Variants in GIGYF2 observed in about 807,000 individuals in gnomAD.
The protein encoded by GIGYF2 is GRB10 interacting GYF protein 2, also known as GRB10-interacting GYF protein 2.
In GIGYF2, 25 loss-of-function variants were observed where a neutral mutation model predicts 208.1. The ratio of observed to expected loss-of-function variants is 0.12; its 90% confidence interval spans 0.09 to 0.17. The LOEUF (loss-of-function observed/expected upper bound fraction) is 0.17. GIGYF2 is among the 10% of genes least tolerant of loss of function. GIGYF2 has a pLI of 1.00. For missense variants in GIGYF2, 1,302 were observed against 1,579.4 expected (o/e 0.82, Z 2.98); for synonymous variants, 534 against 543.8 (o/e 0.98, Z 0.25).
intron 28 of GIGYF2, among the ~76,000 whole-genome samples, chr2:232,855,080 C>CTTTTTT (rs201395041): frequency 2.4e-4 from 26 of 109,156 alleles, no homozygotes; most frequent in South Asian, 6.2e-4. Flanking sequence ...CTTTTTCTTT[C>CTTTTTT]TTTTTTTTTT....
At chr2:232,769,849 G>A (rs1318176178) in intron 8 of GIGYF2, among the ~76,000 whole-genome samples, 1 of 152,146 alleles carries the variant, frequency 6.6e-6, no homozygotes, top group East Asian at 1.9e-4. Flanking sequence ...TACTATATGT[G>A]CCTTACTGAT....
chr2:232,792,449 G>C (rs1700097654), intron 12 of GIGYF2, among the ~76,000 whole-genome samples: 1 of 152,040 alleles, frequency 6.6e-6, no homozygotes, highest in Admixed American at 6.5e-5. Context: ...TTAAAGAGAT[G>C]GGATTAACTG....
intron 1 of GIGYF2, among the ~76,000 whole-genome samples, chr2:232,699,004 G>C (rs1032498089): frequency 2.6e-5 from 4 of 152,184 alleles, no homozygotes; most frequent in African/African-American, 9.7e-5. Context: ...ATTCCTGTCT[G>C]TATGGAATTC....
At chr2:232,747,824 GATTT>G in intron 4 of GIGYF2, 80 bp downstream of exon 4, 1 of 1,341,920 alleles carries the variant, frequency 7.5e-7, no homozygotes, top group East Asian at 2.3e-5. Flanking sequence ...CATGAAAACT[GATTT>G]ATTTTACTAA....
At chr2:232,707,983 A>G (rs771291584) in intron 2 of GIGYF2, among the ~76,000 whole-genome samples, 2 of 151,762 alleles carry the variant, frequency 1.3e-5, no homozygotes, top group Non-Finnish European at 2.9e-5. Context: ...TTTTTTTGAG[A>G]CAAGGTCTTG....
At chr2:232,751,657 A>G (rs919110160) in intron 5 of GIGYF2, among the ~76,000 whole-genome samples, 11 of 152,134 alleles carry the variant, frequency 7.2e-5, no homozygotes, top group South Asian at 2.1e-4. Context: ...ATGATTTCCT[A>G]GATTTCTTAG....
At chr2:232,744,891 A>T (rs1698092964) in intron 3 of GIGYF2, among the ~76,000 whole-genome samples, 1 of 152,106 alleles carries the variant, frequency 6.6e-6, no homozygotes, top group South Asian at 2.1e-4. Context: ...GCTGCCCGTG[A>T]CTGTGGACAA....
At chr2:232,756,901 G>A (rs1698566828) in intron 6 of GIGYF2, among the ~76,000 whole-genome samples, 1 of 152,054 alleles carries the variant, frequency 6.6e-6, no homozygotes, top group South Asian at 2.1e-4. Flanking sequence ...TTTGATATCT[G>A]CCCCCTATTT....
chr2:232,706,703 A>G (rs1005064105), intron 2 of GIGYF2, among the ~76,000 whole-genome samples: 4 of 152,054 alleles, frequency 2.6e-5, no homozygotes, highest in Admixed American at 6.6e-5. Context: ...TCTCTTGAAC[A>G]TGAGAGGTGG....
intron 9 of GIGYF2, chr2:232,788,126 A>G (rs1335969781): frequency 6.5e-6 from 1 of 153,944 alleles, no homozygotes; most frequent in East Asian, 1.9e-4. Flanking sequence ...GTATTTTATC[A>G]ACCATGTGCC....
intron 8 of GIGYF2, among the ~76,000 whole-genome samples, chr2:232,774,399 T>G (rs1330619927): frequency 6.6e-6 from 1 of 152,202 alleles, no homozygotes; most frequent in African/African-American, 2.4e-5. Context: ...ACTTGAAGAT[T>G]ATCACAGTCT....
chr2:232,830,625 T>C (rs1453155041), intron 21 of GIGYF2, among the ~76,000 whole-genome samples: 1 of 152,114 alleles, frequency 6.6e-6, no homozygotes, highest in East Asian at 1.9e-4. Context: ...CTAACATCCA[T>C]TGTTTATTGA....
At chr2:232,774,599 T>G (rs1446308) in intron 8 of GIGYF2, among the ~76,000 whole-genome samples, 1 of 151,960 alleles carries the variant, frequency 6.6e-6, no homozygotes, top group Non-Finnish European at 1.5e-5. Context: ...GGAAGAAGGA[T>G]ATAACAATGA....
chr2:232,851,533 C>T (rs866597325), intron 28 of GIGYF2, among the ~76,000 whole-genome samples: 1 of 152,164 alleles, frequency 6.6e-6, no homozygotes, highest in African/African-American at 2.4e-5. Flanking sequence ...GATTCTCTTG[C>T]CTCAGCCTCC....
intron 8 of GIGYF2, among the ~76,000 whole-genome samples, chr2:232,786,849 G>T (rs1032568186): frequency 6.6e-6 from 1 of 152,104 alleles, no homozygotes; most frequent in African/African-American, 2.4e-5. Flanking sequence ...CTTGGTGATG[G>T]TTCCTTCTGG....
chr2:232,771,061 T>G lies in GIGYF2; in HGVS notation c.532+9625T>G. On this transcript the variant is annotated intron_variant, in intron 8 of 28. Coordinates refer to ENST00000373563, the MANE Select transcript of GIGYF2 (RefSeq NM_001103146.3). ...TGCAGCTGTGAAACTGGTGATATAC[T>G]TGACACAGATAGTGTGGTTTTCAGG... is the stretch of plus-strand genomic sequence containing the variant. 3.7e-6 allele frequency: 6 copies of G among 1,614,142 alleles called. No homozygotes were observed. The South Asian group carries it at 6.6e-5, about 18-fold the overall frequency.
At chr2:232,783,661 T>C (rs1214757410) in intron 8 of GIGYF2, among the ~76,000 whole-genome samples, 1 of 150,530 alleles carries the variant, frequency 6.6e-6, no homozygotes, top group Non-Finnish European at 1.5e-5. Flanking sequence ...TTTTTTTGTT[T>C]GTTTACTAAG....
At chr2:232,769,390 G>A (rs529260588) in intron 8 of GIGYF2, among the ~76,000 whole-genome samples, 1 of 151,680 alleles carries the variant, frequency 6.6e-6, no homozygotes, top group South Asian at 2.1e-4. Context: ...AATTAGCTGG[G>A]TCTGGTGGCA....
chr2:232,741,591 C>A lies in GIGYF2; in HGVS notation c.42-6024C>A, dbSNP rs115140130. Among the ~76,000 whole-genome samples the A allele has an allele frequency of 3.6e-3, 550 of 152,092 alleles. 2 individuals carry two copies. The highest frequency in any genetic ancestry group is 0.013 in the African/African-American group (531 of 41,496). On this transcript the variant is annotated intron_variant, in intron 3 of 28. Transcript: ENST00000373563. ...CCAAGTAGCTGGGACTATAGGCATGCATCACCACGCCTGACTAATACTTGT... is the reference window on the plus strand; with the variant it reads ...CCAAGTAGCTGGGACTATAGGCATGAATCACCACGCCTGACTAATACTTGT...
Sources: allele counts gnomAD v4.1 joint callset (sites outside exome capture counted in the v4.1 genomes callset), GRCh38; gene constraint gnomAD v4.1.1; transcripts MANE v1.5; gene names NCBI Gene and HGNC (gene_info 2026-07-23, HGNC 2026-07-21).